The following ZFYVE16 variants were observed in gnomAD, a reference collection of about 807,000 sequenced individuals.
ZFYVE16 encodes zinc finger FYVE-type containing 16.
ZFYVE16 carries 89 observed loss-of-function variants against 138.1 expected under a neutral mutation model. The ratio of observed to expected loss-of-function variants is 0.64; its 90% CI spans 0.54 to 0.77. The LOEUF (loss-of-function observed/expected upper bound fraction) is 0.77, where lower values mean the gene tolerates loss of function less well. ZFYVE16 is among the 30% of genes least tolerant of loss of function. The pLI is 0.00. For synonymous variants in ZFYVE16, 596 were observed against 618.3 expected (o/e 0.96, Z 0.53); for missense variants, 1,793 against 1,786.7 (o/e 1.00, Z -0.06).
At chr5:80,417,509 A>G (rs1219255962) in intron 1 of ZFYVE16, among the ~76,000 whole-genome samples, 3 of 152,180 alleles carry the variant, frequency 2.0e-5, no homozygotes, top group African/African-American at 4.8e-5. Flanking sequence ...CCCCACTTTA[A>G]ACCACTGGCT....
In ZFYVE16 at chr5:80,443,253, A is replaced by C; in HGVS notation, c.2550A>C (p.Pro850=). 6.2e-7 allele frequency: 1 copy of C among 1,611,116 alleles called. No individual in the cohort carries two copies. Among genetic ancestry groups the C allele is most frequent in the Non-Finnish European group, 8.5e-7 (1 of 1,179,334 alleles). ...TSSIPSPATL[P]VSALKQPGVE... Reference sequence around the variant, plus strand: ...GTATACCTTCACCAGCAACTTTGCCAGTCTCAGCACTTAAACAACCAGGTG... The same window carrying C: ...GTATACCTTCACCAGCAACTTTGCCCGTCTCAGCACTTAAACAACCAGGTG... The change falls in exon 6 of 19, where the codon CCA becomes CCC. Residue 850 remains proline (P), a synonymous_variant. Coordinates refer to ENST00000505560, the MANE Select transcript of ZFYVE16 (RefSeq NM_001284236.3).
chr5:80,410,781 G>C (rs1745315727), intron 1 of ZFYVE16, among the ~76,000 whole-genome samples: 1 of 151,370 alleles, frequency 6.6e-6, no homozygotes, highest in South Asian at 2.1e-4. Context: ...TGTTGGCCAG[G>C]ATGGTCTCGA....
chr5:80,477,488 A>T lies in ZFYVE16; in HGVS notation c.*111A>T, dbSNP rs1395448797. On this transcript the variant is annotated 3_prime_UTR_variant, in exon 19 of 19. Transcript: ENST00000505560. The stretch of plus-strand genomic sequence containing the variant: ...AGTATAAATATGTCTGATTTTTGAA[A>T]CACATAAGCTTTGCTCTTTAGGCAG... 1.0e-6 allele frequency: 1 copy of T among 1,000,300 alleles called. No homozygotes were observed. Among genetic ancestry groups the T allele is most frequent in the Non-Finnish European group, 1.4e-6 (1 of 729,206 alleles). The allele number at this position is 1,000,300 out of a possible 1,614,324, so 62.0% of individuals were successfully genotyped here.
chr5:80,415,112 C>T (rs1746017248), intron 1 of ZFYVE16, among the ~76,000 whole-genome samples: 1 of 152,102 alleles, frequency 6.6e-6, no homozygotes, highest in Non-Finnish European at 1.5e-5. Context: ...AATATTTTCT[C>T]TCCTGTTTTC....
chr5:80,471,929 T>C (rs912301273), intron 15 of ZFYVE16, among the ~76,000 whole-genome samples: 3 of 152,178 alleles, frequency 2.0e-5, no homozygotes, highest in African/African-American at 4.8e-5. Context: ...ATTTTGCCTA[T>C]AGATTTTGTA....
intron 6 of ZFYVE16, among the ~76,000 whole-genome samples, chr5:80,444,223 C>G (rs1039144048): frequency 1.3e-5 from 2 of 152,050 alleles, no homozygotes; most frequent in Non-Finnish European, 2.9e-5. Context: ...TAAGGAGACT[C>G]AGCATTATAT....
chr5:80,460,288 T>C (rs1351354153), intron 15 of ZFYVE16, among the ~76,000 whole-genome samples: 2 of 152,162 alleles, frequency 1.3e-5, no homozygotes, highest in African/African-American at 2.4e-5. Flanking sequence ...TTCTGTGAAA[T>C]GTCTGCCCAT....
At chr5:80,436,656 TA>T (rs1749950278) in intron 3 of ZFYVE16, 99 bp from the exon 4 acceptor site, 5 of 1,093,042 alleles carry the variant, frequency 4.6e-6, no homozygotes, top group African/African-American at 1.6e-5. Context: ...TATGTTCTTT[TA>T]AAAAAGTGTA....
chr5:80,438,378 G>GA lies in ZFYVE16; in HGVS notation c.1694dup (p.Asp565GlufsTer7). 1 of 1,613,786 alleles carries GA rather than the reference G, an allele frequency of 6.2e-7. No individual in the cohort carries two copies. The highest frequency in any genetic ancestry group is 8.5e-7 in the Non-Finnish European group (1 of 1,179,908). ...CTCTAAATCGCAAATGAATCAGATA[G>GA]ATATGAAAGGCTTAGATGATGGAAA... On this transcript the variant is annotated frameshift_variant, in exon 4 of 19. Transcript: ENST00000505560. LOFTEE classifies it high-confidence loss of function.
rs1275151348 is a variant in ZFYVE16 at position 80,430,264 on chromosome 5, TA to T, written c.-40+2720del. Among the ~76,000 whole-genome samples the T allele has an allele frequency of 3.9e-5, 6 of 152,072 alleles. No individual in the cohort carries two copies. The South Asian group carries it at 1.2e-3, about 32-fold the overall frequency. On this transcript the variant is annotated intron_variant, in intron 2 of 18. Coordinates refer to ENST00000505560, the MANE Select transcript of ZFYVE16 (RefSeq NM_001284236.3). The stretch of plus-strand genomic sequence containing the variant: ...CTCTCAGACCACAGTGCAATCAAAC[TA>T]GAACTCAGGATTCAGAAACTCACTC...
At chr5:80,429,629 A>G (rs1233461340) in intron 2 of ZFYVE16, among the ~76,000 whole-genome samples, 1 of 152,228 alleles carries the variant, frequency 6.6e-6, no homozygotes, top group East Asian at 1.9e-4. Context: ...AATGGGCTAA[A>G]TGCTCCAGTT....
rs2112274641 is a variant in ZFYVE16 at position 80,427,491 on chromosome 5, G to A, written c.-93-1G>A. The A allele has an allele frequency of 6.6e-6, 1 of 151,788 alleles. No homozygotes were observed. The highest frequency in any genetic ancestry group is 3.4e-3 in the Middle Eastern group (1 of 292). The allele number at this position is 151,788 out of a possible 1,614,324, so 9.4% of individuals were successfully genotyped here. On this transcript the variant is annotated splice_acceptor_variant, in intron 1 of 18. Transcript: ENST00000505560. LOFTEE classifies it low-confidence loss of function (5UTR_SPLICE). ...GATATTATCCCATTACTTATTGACA[G>A]ATTCCTGTGAGGTTTCTCGGGCTTA...
At chr5:80,466,585 A>G (rs530296013) in intron 15 of ZFYVE16, among the ~76,000 whole-genome samples, 4 of 152,278 alleles carry the variant, frequency 2.6e-5, no homozygotes, top group African/African-American at 9.6e-5. Context: ...AGTAAGTGTA[A>G]TGTCTTTGTT....
At position 80,450,555 on chromosome 5, in the gene ZFYVE16, A is replaced by G. The variant is rs536084018; in HGVS notation, c.3351A>G (p.Leu1117=). The change falls in exon 10 of 19, where the codon CTA becomes CTG. Residue 1117 remains leucine (L), a synonymous_variant. Coordinates refer to ENST00000505560, the MANE Select transcript of ZFYVE16 (RefSeq NM_001284236.3). ...EDTIPKDIFR[L]FITIYKDALK... is the part of the protein sequence containing the mutation. Reference sequence around the variant, plus strand: ...CTATTCCTAAGGACATCTTCAGACTATTTATCACCATATATAAGGATGCTC... The same window carrying G: ...CTATTCCTAAGGACATCTTCAGACTGTTTATCACCATATATAAGGATGCTC... 1.9e-6 allele frequency: 3 copies of G among 1,613,504 alleles called. No individual in the cohort carries two copies. The highest frequency in any genetic ancestry group is 1.7e-6 in the Non-Finnish European group (2 of 1,179,722).
chr5:80,435,996 C>G (rs1486996348), intron 3 of ZFYVE16: 1 of 204,452 alleles, frequency 4.9e-6, no homozygotes, highest in African/African-American at 2.4e-5. Context: ...CTCCTGCTGC[C>G]TTGTGAAGAA....
intron 1 of ZFYVE16, among the ~76,000 whole-genome samples, chr5:80,411,231 C>T (rs1745415240): frequency 6.6e-6 from 1 of 150,802 alleles, no homozygotes; most frequent in African/African-American, 2.4e-5. Flanking sequence ...ATCTGCCCAC[C>T]TCAGCCTCCC....
Position 80,448,330 on chromosome 5 carries a change from A to G in ZFYVE16, c.3029A>G (p.Asn1010Ser), listed in dbSNP as rs779378326. The change falls in exon 8 of 19, where the codon AAT becomes AGT. Residue 1010 changes from asparagine (N) to serine (S), a missense_variant. By Grantham distance (46) the Asn-to-Ser change is conservative. Around this residue, in one of 2 missense-constraint regions of ZFYVE16, gnomAD observed 1,295 missense variants for 1,204.3 expected, o/e 1.08. Transcript: ENST00000505560. ...TGTGATATTAACAAGTATGTCTGCA[A>G]TAAGATTAGTCTTCTACCTAATGAT... Reference protein sequence around the residue: ...LLCDINKYVCNKISLLPNDED... With the variant: ...LLCDINKYVCSKISLLPNDED... The G allele has an allele frequency of 5.6e-6, 9 of 1,610,134 alleles. No homozygotes were observed. The highest frequency in any genetic ancestry group is 1.6e-4 in the Middle Eastern group (1 of 6,074).
In ZFYVE16 at chr5:80,479,792, G is replaced by A. The variant is rs917356659; in HGVS notation, c.*2415G>A. The stretch of plus-strand genomic sequence containing the variant: ...ATGAGTGAGGGGGACAGAAATTAAA[G>A]TTCAGGGCCCATATAAGGTGATGAA... On this transcript the variant is annotated 3_prime_UTR_variant, in exon 19 of 19. Transcript: ENST00000505560. 2.6e-5 allele frequency among the ~76,000 whole-genome samples: 4 copies of A among 152,172 alleles called. No individual in the cohort carries two copies. Among genetic ancestry groups the A allele is most frequent in the Non-Finnish European group, 5.9e-5 (4 of 68,022 alleles).
intron 15 of ZFYVE16, among the ~76,000 whole-genome samples, chr5:80,463,373 A>G (rs1753342775): frequency 6.6e-6 from 1 of 152,174 alleles, no homozygotes. Context: ...CTTTGAAGCA[A>G]TGGCCTGAGC....
Sources: allele counts gnomAD v4.1 joint callset (sites outside exome capture counted in the v4.1 genomes callset), GRCh38; gene constraint gnomAD v4.1.1; regional missense constraint gnomAD v4.1.1; transcripts MANE v1.5; gene names NCBI Gene and HGNC (gene_info 2026-07-23, HGNC 2026-07-21).